NAV2: variants seen among roughly 807,000 people sequenced by gnomAD.
NAV2 encodes the protein neuron navigator 2, also known as helicase, APC down-regulated 1.
A neutral mutation model predicts 223.2 loss-of-function variants in NAV2; 54 were observed. The observed-to-expected ratio is 0.24, with a 90% CI of 0.19 to 0.30. The LOEUF is 0.30. Ranked by LOEUF, NAV2 falls within the 10% of genes least tolerant of loss-of-function variation. The pLI is 1.00. For synonymous variants in NAV2, 1,279 were observed against 1,239.3 expected, an observed-to-expected ratio of 1.03 and a Z score of -0.67; for missense variants, 2,806 against 3,147.5, an observed-to-expected ratio of 0.89 and a Z score of 2.60.
At chr11:19,958,812 T>TCTTC (rs2048112368) in intron 10 of NAV2, among the ~76,000 whole-genome samples, 4 of 152,168 alleles carry the variant, frequency 2.6e-5, no homozygotes, top group African/African-American at 9.7e-5. Flanking sequence ...ACAGGCATTG[T>TCTTC]CATGTTATTA....
chr11:20,082,163 G>T (rs2060132556), intron 25 of NAV2, among the ~76,000 whole-genome samples: 1 of 152,206 alleles, frequency 6.6e-6, no homozygotes, highest in African/African-American at 2.4e-5. Flanking sequence ...TAAGTGGATA[G>T]GTTAAGGAGC....
rs1403082487 is a variant in NAV2, at chr11:19,944,555, T to TCTTTCC, written c.2147-1833_2147-1828dup. 5.9e-3 allele frequency among the ~76,000 whole-genome samples: 892 copies of TCTTTCC among 151,360 alleles called. 12 individuals carry two copies. Among genetic ancestry groups the TCTTTCC allele is most frequent in the African/African-American group, 0.02 (833 of 41,056 alleles). ...CCTTTCCATTCCGTTCCATTTCTTT[T>TCTTTCC]CTTTCCCTTTCCCTTTCCATTTCCA... On this transcript the variant is annotated intron_variant, in intron 8 of 37. Transcript: ENST00000349880.
intron 1 of NAV2, among the ~76,000 whole-genome samples, chr11:19,463,681 G>A (rs1025396261): frequency 3.3e-5 from 5 of 152,218 alleles, no homozygotes; most frequent in Admixed American, 6.5e-5. Flanking sequence ...GCTGAGTCTG[G>A]AAGGACAAAT....
chr11:19,499,114 C>T (rs1019391585), intron 1 of NAV2, among the ~76,000 whole-genome samples: 5 of 152,216 alleles, frequency 3.3e-5, no homozygotes, highest in Non-Finnish European at 7.3e-5. Flanking sequence ...AAAGGCAGAG[C>T]CAGTACACCA....
chr11:19,463,193 A>T (rs1852225385), intron 1 of NAV2, among the ~76,000 whole-genome samples: 1 of 152,260 alleles, frequency 6.6e-6, no homozygotes, highest in Admixed American at 6.5e-5. Context: ...ATAAAGCAGC[A>T]TGGTGTTAGC....
chr11:19,853,399 C>T (rs901977794), intron 3 of NAV2, among the ~76,000 whole-genome samples: 3 of 152,212 alleles, frequency 2.0e-5, no homozygotes, highest in Admixed American at 1.3e-4. Flanking sequence ...AGGATGCCTT[C>T]AAGCTAGTCC....
At chr11:19,612,695 C>A (rs7118638) in intron 1 of NAV2, among the ~76,000 whole-genome samples, 5,109 of 152,236 alleles carry the variant, frequency 0.034, 182 homozygotes, top group African/African-American at 0.078. Flanking sequence ...CCTTATTGTC[C>A]ATATGGCTAT....
At chr11:20,073,911 G>GT (rs1396676198) in intron 22 of NAV2, among the ~76,000 whole-genome samples, 8 of 152,112 alleles carry the variant, frequency 5.3e-5, no homozygotes, top group African/African-American at 1.7e-4. Context: ...TTTTTGAAGG[G>GT]TTTTTTGTGT....
intron 4 of NAV2, among the ~76,000 whole-genome samples, chr11:19,876,087 G>A (rs1177670963): frequency 1.3e-5 from 2 of 152,002 alleles, no homozygotes; most frequent in East Asian, 1.9e-4. Flanking sequence ...GTGCAGTGTC[G>A]TGATCTCGGC....
At chr11:19,889,255 CT>C (rs1188347403) in intron 5 of NAV2, among the ~76,000 whole-genome samples, 1 of 152,152 alleles carries the variant, frequency 6.6e-6, no homozygotes, top group East Asian at 1.9e-4. Flanking sequence ...TCATTATGGC[CT>C]TTGTTTGTGA....
chr11:19,603,044 C>T (rs770071627), intron 1 of NAV2, among the ~76,000 whole-genome samples: 7 of 152,090 alleles, frequency 4.6e-5, no homozygotes, highest in African/African-American at 7.2e-5. Flanking sequence ...ATTTCTGCTC[C>T]GTGGGCAGAG....
chr11:19,974,552 A>T (rs984141281), intron 10 of NAV2, among the ~76,000 whole-genome samples: 1 of 152,214 alleles, frequency 6.6e-6, no homozygotes, highest in Non-Finnish European at 1.5e-5. Context: ...TTGGAGGCTG[A>T]TGTGGGAAGA....
chr11:19,767,302 T>C (rs1238465175), intron 1 of NAV2, among the ~76,000 whole-genome samples: 1 of 152,226 alleles, frequency 6.6e-6, no homozygotes, highest in Non-Finnish European at 1.5e-5. Context: ...TGATAGTACA[T>C]GTCAAACTTC....
At chr11:19,971,146 GGA>G in intron 10 of NAV2, among the ~76,000 whole-genome samples, 1 of 152,230 alleles carries the variant, frequency 6.6e-6, no homozygotes, top group Middle Eastern at 3.4e-3. Context: ...CTGGTTTTGG[GGA>G]GTTTGTGTCA....
At chr11:19,586,418 G>A (rs957814091) in intron 1 of NAV2, among the ~76,000 whole-genome samples, 1 of 152,218 alleles carries the variant, frequency 6.6e-6, no homozygotes, top group African/African-American at 2.4e-5. Context: ...TCCGTTGCTG[G>A]TGAGGAGCTG....
At chr11:20,060,632 G>A (rs914769281) in intron 19 of NAV2, among the ~76,000 whole-genome samples, 4 of 152,192 alleles carry the variant, frequency 2.6e-5, no homozygotes, top group Non-Finnish European at 4.4e-5. Context: ...CAAGAGTTAC[G>A]TGGGCTCAGA....
rs113941667 is a variant in NAV2 at position 19,614,816 on chromosome 11, C to T, written c.76-217668C>T. Among the ~76,000 whole-genome samples, 1,248 of 152,288 alleles carry T rather than the reference C, an allele frequency of 8.2e-3. 15 individuals carry two copies. The highest frequency in any genetic ancestry group is 0.024 in the Middle Eastern group (7 of 294). ...ACTCTATAGAGTGAATGGTCATGCC[C>T]TCCAGGTCACCGTAAGGATTATGAT... On this transcript the variant is annotated intron_variant, in intron 1 of 37. Transcript: ENST00000360655.
chr11:19,785,107 G>T (rs1463489444), intron 1 of NAV2, among the ~76,000 whole-genome samples: 1 of 152,204 alleles, frequency 6.6e-6, no homozygotes, highest in East Asian at 1.9e-4. Context: ...GATCGGGTAG[G>T]TGACTTCATG....
Position 20,103,388 on chromosome 11 carries a change from T to C in NAV2, c.6551T>C (p.Leu2184Pro). The change falls in exon 33 of 38, where the codon CTC (leucine) becomes CCC (proline). Residue 2184 changes from leucine (L) to proline (P), a missense_variant. Physicochemically the swap from Leu to Pro is moderately conservative, Grantham distance 98 (BLOSUM62 -3). Coordinates refer to ENST00000349880, the MANE Select transcript of NAV2 (RefSeq NM_145117.5). ...SSLGEIFNGL[L>P]NCKYHKCPYI... ...CTGGGAGAGATCTTCAATGGGCTGC[T>C]CAACTGCAAGTACCACAAATGGTAA... 6.2e-7 allele frequency: 1 copy of C among 1,613,972 alleles called. No individual in the cohort carries two copies. Among genetic ancestry groups the C allele is most frequent in the Non-Finnish European group, 8.5e-7 (1 of 1,179,880 alleles).
Sources: allele counts gnomAD v4.1 joint callset (sites outside exome capture counted in the v4.1 genomes callset), GRCh38; gene constraint gnomAD v4.1.1; transcripts MANE v1.5; gene names NCBI Gene and HGNC (gene_info 2026-07-23, HGNC 2026-07-21).